NLGN1: variants seen among roughly 807,000 people sequenced by gnomAD.
NLGN1 encodes neuroligin-1.
NLGN1 carries 12 observed loss-of-function variants against 65.5 expected under a neutral mutation model. The ratio of observed to expected loss-of-function variants is 0.18; its 90% CI spans 0.12 to 0.30. The LOEUF (loss-of-function observed/expected upper bound fraction) is 0.30, where lower values mean the gene tolerates loss of function less well. Among genes scored for constraint, NLGN1 ranks in the 10% least tolerant of loss-of-function variants. The pLI, the probability that NLGN1 is intolerant of heterozygous loss-of-function variation, is 1.00. For missense variants in NLGN1, 750 were observed against 1,007.1 expected, an observed-to-expected ratio of 0.74 and a Z score of 3.46; for synonymous variants, 350 against 359.5, an observed-to-expected ratio of 0.97 and a Z score of 0.30.
intron 4 of NLGN1, among the ~76,000 whole-genome samples, chr3:174,240,112 G>A (rs1229624957): frequency 6.6e-6 from 1 of 151,958 alleles, no homozygotes; most frequent in African/African-American, 2.4e-5. Context: ...TGTATAATAA[G>A]GAAGGATACC....
chr3:173,576,306 T>G (rs1002698738), intron 2 of NLGN1, among the ~76,000 whole-genome samples: 1 of 152,222 alleles, frequency 6.6e-6, no homozygotes, highest in Non-Finnish European at 1.5e-5. Context: ...ATCTTTAATA[T>G]TTTTAAATAA....
chr3:173,425,884 T>A (rs1716002374), intron 1 of NLGN1, among the ~76,000 whole-genome samples: 1 of 152,164 alleles, frequency 6.6e-6, no homozygotes, highest in Non-Finnish European at 1.5e-5. Flanking sequence ...CATTGTTATT[T>A]TGATAGGAAT....
At chr3:173,807,870 A>C (rs770304847) in intron 4 of NLGN1, 38 bp downstream of exon 4, 2 of 1,584,586 alleles carry the variant, frequency 1.3e-6, no homozygotes, top group East Asian at 4.5e-5. Flanking sequence ...CCATGAATCC[A>C]TGAAGTATGT....
intron 4 of NLGN1, among the ~76,000 whole-genome samples, chr3:173,985,687 C>T (rs928050983): frequency 1.3e-5 from 2 of 152,130 alleles, no homozygotes; most frequent in Admixed American, 6.5e-5. Flanking sequence ...CACTGATTAA[C>T]GCCTGTAATC....
chr3:173,493,997 A>C (rs1488324900), intron 2 of NLGN1, among the ~76,000 whole-genome samples: 1 of 151,790 alleles, frequency 6.6e-6, no homozygotes, highest in African/African-American at 2.4e-5. Flanking sequence ...AAAATGGTTG[A>C]TAGTTCTCTA....
At chr3:173,432,049 A>G (rs2148748303) in intron 1 of NLGN1, among the ~76,000 whole-genome samples, 1 of 152,282 alleles carries the variant, frequency 6.6e-6, no homozygotes, top group Admixed American at 6.5e-5. Context: ...ATGTCTTTTC[A>G]TGGCTTGATA....
intron 2 of NLGN1, among the ~76,000 whole-genome samples, chr3:173,543,504 G>A (rs1033718828): frequency 6.6e-6 from 1 of 152,074 alleles, no homozygotes; most frequent in Non-Finnish European, 1.5e-5. Context: ...ATTGTCTTGA[G>A]GATTTTTGAT....
chr3:173,944,226 T>C (rs1039922210), intron 4 of NLGN1, among the ~76,000 whole-genome samples: 16 of 151,826 alleles, frequency 1.1e-4, no homozygotes, highest in African/African-American at 3.6e-4. Context: ...ACCTTCCTCA[T>C]TTTATAATAT....
intron 2 of NLGN1, among the ~76,000 whole-genome samples, chr3:173,450,259 T>A (rs1043810350): frequency 1.2e-4 from 19 of 152,150 alleles, no homozygotes; most frequent in African/African-American, 4.3e-4. Flanking sequence ...GCAGGCCTGG[T>A]GGTGACAAAA....
chr3:173,987,746 G>A (rs1579594350), intron 4 of NLGN1, among the ~76,000 whole-genome samples: 1 of 152,270 alleles, frequency 6.6e-6, no homozygotes, highest in African/African-American at 2.4e-5. Context: ...GTTATTTTTA[G>A]TTGTATTGAG....
intron 4 of NLGN1, among the ~76,000 whole-genome samples, chr3:174,131,169 A>G (rs1421597619): frequency 2.6e-5 from 4 of 152,212 alleles, no homozygotes; most frequent in Non-Finnish European, 4.4e-5. Context: ...GCCTTTCTCC[A>G]AGGCTAATGT....
At chr3:173,779,551 TATAAAG>T (rs777765625) in intron 3 of NLGN1, among the ~76,000 whole-genome samples, 2 of 152,096 alleles carry the variant, frequency 1.3e-5, no homozygotes, top group Non-Finnish European at 2.9e-5. Flanking sequence ...CAACCTCAGA[TATAAAG>T]ATAAAGTTGG....
intron 4 of NLGN1, among the ~76,000 whole-genome samples, chr3:174,059,218 C>G (rs1348057664): frequency 6.6e-6 from 1 of 152,096 alleles, no homozygotes; most frequent in Non-Finnish European, 1.5e-5. Context: ...CAATCTAGTA[C>G]TTCTTCCTGG....
chr3:173,996,316 C>T (rs1227832913), intron 4 of NLGN1, among the ~76,000 whole-genome samples: 3 of 152,050 alleles, frequency 2.0e-5, no homozygotes, highest in African/African-American at 7.3e-5. Context: ...ATCAGTGCTT[C>T]CCAAACTGTC....
At chr3:173,461,157 A>T (rs907196877) in intron 2 of NLGN1, among the ~76,000 whole-genome samples, 1 of 152,128 alleles carries the variant, frequency 6.6e-6, no homozygotes, top group Non-Finnish European at 1.5e-5. Flanking sequence ...GATGTAAGGA[A>T]ATCAATCAAA....
chr3:174,086,202 T>C (rs987182081), intron 4 of NLGN1, among the ~76,000 whole-genome samples: 2 of 149,662 alleles, frequency 1.3e-5, no homozygotes, highest in African/African-American at 4.9e-5. Flanking sequence ...TGTGTGTGTG[T>C]GTGCGTGTGT....
chr3:173,956,504 G>A (rs2152338359), intron 4 of NLGN1, among the ~76,000 whole-genome samples: 1 of 151,992 alleles, frequency 6.6e-6, no homozygotes, highest in South Asian at 2.1e-4. Context: ...AAAATTTTAT[G>A]TGTCCTAAAT....
intron 2 of NLGN1, among the ~76,000 whole-genome samples, chr3:173,478,398 G>T (rs183607309): frequency 9.1e-4 from 139 of 152,210 alleles, no homozygotes; most frequent in Non-Finnish European, 1.6e-3. Context: ...ACTGGGGCCT[G>T]TAGGGAGTGG....
intron 4 of NLGN1, among the ~76,000 whole-genome samples, chr3:174,172,220 C>T (rs538511742): frequency 6.6e-5 from 10 of 152,128 alleles, no homozygotes; most frequent in Middle Eastern, 6.8e-3. Flanking sequence ...TTGATATAGG[C>T]GTGCAGTGCA....
Sources: allele counts gnomAD v4.1 joint callset (sites outside exome capture counted in the v4.1 genomes callset), GRCh38; gene constraint gnomAD v4.1.1; transcripts MANE v1.5; gene names NCBI Gene and HGNC (gene_info 2026-07-23, HGNC 2026-07-21).